The following CALD1 variants were observed in gnomAD, a reference collection of about 807,000 sequenced individuals.
CALD1 encodes the protein caldesmon.
A neutral mutation model predicts 99.9 loss-of-function variants in CALD1; 33 were observed. The observed-to-expected ratio is 0.33, with a 90% CI of 0.25 to 0.44. CALD1 has a LOEUF of 0.44. Among genes scored for constraint, CALD1 ranks in the 20% least tolerant of loss-of-function variants. CALD1 has a pLI of 1.00. For missense variants in CALD1, 861 were observed against 962.1 expected (o/e 0.89, Z 1.39); for synonymous variants, 310 against 325.0 (o/e 0.95, Z 0.50).
Position 134,867,748 on chromosome 7 carries a change from G to A in CALD1, c.15G>A (p.Glu5=), listed in dbSNP as rs1240986374. MDDF[E]RRRELRRQKR... ...GAAATCACACCATGGATGATTTTGA[G>A]CGTCGCAGAGAACTTAGAAGGCAAA... The change falls in exon 3 of 15, where the codon GAG becomes GAA. Residue 5 remains glutamate (E), a synonymous_variant. Transcript: ENST00000361675. 9 of 1,609,084 alleles carry A rather than the reference G, an allele frequency of 5.6e-6. No individual in the cohort carries two copies. In the East Asian group the frequency reaches 1.6e-4, roughly 28 times the overall value.
Position 134,783,234 on chromosome 7 carries a change from T to C in CALD1, c.-130+3485T>C, listed in dbSNP as rs1408862788. 2.0e-5 allele frequency among the ~76,000 whole-genome samples: 3 copies of C among 152,118 alleles called. No homozygotes were observed. Among genetic ancestry groups the C allele is most frequent in the African/African-American group, 7.2e-5 (3 of 41,412 alleles). On this transcript the variant is annotated intron_variant, in intron 1 of 14. Coordinates refer to ENST00000361675, the MANE Select transcript of CALD1 (RefSeq NM_033138.4). The surrounding 1 kb of genome is among the most constrained non-coding windows in gnomAD (Gnocchi z 4.3). ...CTCGCCTCTCACCTCTTTGCTTCTG[T>C]CTTTAGTGCTCCCAGCTGTAACCGA... is the stretch of plus-strand genomic sequence containing the variant.
chr7:134,808,941 G>A (rs1032032189), intron 1 of CALD1, among the ~76,000 whole-genome samples: 23 of 152,210 alleles, frequency 1.5e-4, no homozygotes, highest in African/African-American at 5.3e-4. Context: ...CTTAGGTGAT[G>A]AGGGGCTCAT....
intron 3 of CALD1, among the ~76,000 whole-genome samples, chr7:134,885,865 A>C (rs79763716): frequency 0.022 from 3,367 of 152,182 alleles, 118 homozygotes; most frequent in African/African-American, 0.077. Context: ...GTTTTCACCG[A>C]GACCAGAACC....
intron 1 of CALD1, among the ~76,000 whole-genome samples, chr7:134,803,799 G>A (rs1056518282): frequency 2.6e-5 from 4 of 151,220 alleles, no homozygotes; most frequent in African/African-American, 4.9e-5. Flanking sequence ...GGGTTTAAGC[G>A]ATTCTCCTGC....
chr7:134,929,188 A>G (rs371363164), intron 4 of CALD1, among the ~76,000 whole-genome samples: 3 of 152,130 alleles, frequency 2.0e-5, no homozygotes, highest in African/African-American at 7.2e-5. Context: ...GTTTAATTTA[A>G]TAAGTATGGT....
intron 1 of CALD1, among the ~76,000 whole-genome samples, chr7:134,795,033 C>G (rs751881604): frequency 6.6e-6 from 1 of 152,210 alleles, no homozygotes; most frequent in Non-Finnish European, 1.5e-5. Context: ...CCACTGATAC[C>G]TGAAATACTT....
chr7:134,866,611 TCAAA>T (rs1800811474), intron 2 of CALD1, among the ~76,000 whole-genome samples: 1 of 152,192 alleles, frequency 6.6e-6, no homozygotes, highest in Admixed American at 6.5e-5. Flanking sequence ...TTTTGCTCCT[TCAAA>T]CAAAGATGCC....
chr7:134,730,245 C>T, the CALD1 span, among the ~76,000 whole-genome samples: 2 of 138,190 alleles, frequency 1.4e-5, no homozygotes, highest in African/African-American at 5.2e-5. Context: ...CCCTCTCTTT[C>T]TCACAACATT....
At chr7:134,713,394 C>T in the CALD1 span, among the ~76,000 whole-genome samples, 2 of 152,262 alleles carry the variant, frequency 1.3e-5, no homozygotes, top group African/African-American at 4.8e-5. Context: ...AACATGCCCC[C>T]AAACATGCAG....
chr7:134,965,411 T>A (rs749567175), intron 14 of CALD1, 25 bp downstream of exon 14: 2 of 1,135,844 alleles, frequency 1.8e-6, no homozygotes, highest in Non-Finnish European at 2.7e-6. Context: ...AGACTAGTAT[T>A]TCAGAGGTTT....
At chr7:134,859,020 A>G (rs1225488796) in intron 2 of CALD1, among the ~76,000 whole-genome samples, 3 of 152,150 alleles carry the variant, frequency 2.0e-5, no homozygotes, top group Non-Finnish European at 4.4e-5. Context: ...CTGAATTTTA[A>G]ATTTTATTTA....
In CALD1 at chr7:134,915,019, A is replaced by C. The variant is rs553405836; in HGVS notation, c.72-13735A>C. ...TGTTCAATAAATATCTGTTGAATGG[A>C]TGTGCTAATTCCAGCCACCTGTGTG... On this transcript the variant is annotated intron_variant, in intron 3 of 14. Transcript: ENST00000361675. Among the ~76,000 whole-genome samples the C allele has an allele frequency of 4.6e-5, 7 of 152,328 alleles. No homozygotes were observed. The South Asian group carries it at 1.5e-3, about 32-fold the overall frequency.
the CALD1 span, among the ~76,000 whole-genome samples, chr7:134,726,952 C>T: frequency 6.6e-6 from 1 of 152,212 alleles, no homozygotes; most frequent in Non-Finnish European, 1.5e-5. Context: ...AGAAAGTCCA[C>T]ATTGTTGGCA....
At chr7:134,908,771 A>T (rs538218879) in intron 3 of CALD1, among the ~76,000 whole-genome samples, 1 of 152,304 alleles carries the variant, frequency 6.6e-6, no homozygotes, top group South Asian at 2.1e-4. Flanking sequence ...GTAAAGGGCC[A>T]GGCAGTTTTT....
intron 1 of CALD1, among the ~76,000 whole-genome samples, chr7:134,769,824 G>A (rs1222805293): frequency 6.6e-6 from 1 of 152,158 alleles, no homozygotes; most frequent in Admixed American, 6.5e-5. Flanking sequence ...TTTTAGTAGA[G>A]ACAGCGTTTC....
chr7:134,757,934 C>T (rs1239441444), intron 1 of CALD1, among the ~76,000 whole-genome samples: 1 of 151,932 alleles, frequency 6.6e-6, no homozygotes, highest in East Asian at 1.9e-4. Flanking sequence ...AATGGCTCTA[C>T]AGGAGGATGG....
In CALD1 at chr7:134,953,527, A is replaced by G. The variant is rs879911897; in HGVS notation, c.1935+3013A>G. 3.8e-4 allele frequency among the ~76,000 whole-genome samples: 58 copies of G among 151,910 alleles called. 2 individuals carry two copies. The highest frequency in any genetic ancestry group is 8.8e-5 in the Non-Finnish European group (6 of 67,956). ...AAGCAAAACTCCGTCTCAAAAAAAA[A>G]AAAAGAAAAGAAAAAGAAAACCATG... On this transcript the variant is annotated intron_variant, in intron 9 of 14. Coordinates refer to ENST00000361675, the MANE Select transcript of CALD1 (RefSeq NM_033138.4).
intron 1 of CALD1, among the ~76,000 whole-genome samples, chr7:134,762,796 C>T (rs976946263): frequency 6.6e-6 from 1 of 152,162 alleles, no homozygotes; most frequent in Non-Finnish European, 1.5e-5. Context: ...CACCAGGCCC[C>T]ACCTCCAACA....
intron 5 of CALD1, 27 bp downstream of exon 5, chr7:134,934,104 T>C (rs1469247861): frequency 6.3e-7 from 1 of 1,581,794 alleles, no homozygotes; most frequent in Admixed American, 1.8e-5. Flanking sequence ...GCACCAAATG[T>C]GTGATGCCTG....
Sources: allele counts gnomAD v4.1 joint callset (sites outside exome capture counted in the v4.1 genomes callset), GRCh38; gene constraint gnomAD v4.1.1; non-coding constraint Gnocchi (gnomAD v3.1); transcripts MANE v1.5; gene names NCBI Gene and HGNC (gene_info 2026-07-23, HGNC 2026-07-21).